Variants in ABI3BP observed in about 807,000 individuals in gnomAD.
ABI3BP encodes the protein ABI family member 3 binding protein.
ABI3BP carries 216 observed loss-of-function variants against 268.6 expected under a neutral mutation model. The observed-to-expected ratio is 0.80, with a 90% CI of 0.72 to 0.90. ABI3BP has a LOEUF of 0.90. Ranked by LOEUF, ABI3BP falls within the 40% of genes least tolerant of loss-of-function variation. The pLI, the probability that ABI3BP is intolerant of heterozygous loss-of-function variation, is 0.00. For missense variants in ABI3BP, 2,090 were observed against 2,182.4 expected, an observed-to-expected ratio of 0.96 and a Z score of 0.84; for synonymous variants, 730 against 730.0, an observed-to-expected ratio of 1.00 and a Z score of 0.00.
rs750022129 is a variant in ABI3BP, at chr3:100,850,118, A to T, written c.1428T>A (p.Ala476=). Residue 476 remains alanine, a splice_region_variant and synonymous_variant, in exon 17 of 68, where the codon GCT becomes GCA. Coordinates refer to ENST00000471714, the MANE Select transcript of ABI3BP (RefSeq NM_001375547.2). ...GAGGAACAAATGGTGTTTCACTTGG[A>T]GCTGAAAGCACAAACACCCCAACCC... ...RTLEQPRATL[A]PSETPFVPQK... 2.5e-6 allele frequency: 4 copies of T among 1,605,486 alleles called. No individual in the cohort carries two copies. The highest frequency in any genetic ancestry group is 3.4e-6 in the Non-Finnish European group (4 of 1,175,712).
At chr3:100,918,202 A>C (rs2059229836) in intron 2 of ABI3BP, among the ~76,000 whole-genome samples, 1 of 151,906 alleles carries the variant, frequency 6.6e-6, no homozygotes. Flanking sequence ...AAAGAGAAAA[A>C]TCTATCTTAA....
intron 62 of ABI3BP, among the ~76,000 whole-genome samples, chr3:100,766,578 A>G (rs2149734812): frequency 6.6e-6 from 1 of 151,864 alleles, no homozygotes. Flanking sequence ...ATTGAAAAAC[A>G]AATTAATGTC....
chr3:100,845,284 C>T (rs2152976522), intron 20 of ABI3BP, among the ~76,000 whole-genome samples: 1 of 152,282 alleles, frequency 6.6e-6, no homozygotes, highest in South Asian at 2.1e-4. Flanking sequence ...ATTAGCTACG[C>T]TTCTTCCCCT....
chr3:100,843,501 AAGAG>A (rs968014841), intron 20 of ABI3BP: 27 of 952,682 alleles, frequency 2.8e-5, no homozygotes, highest in African/African-American at 1.2e-4. Context: ...GAGGGAAAGA[AAGAG>A]AGGGAGGGAG....
At chr3:100,801,536 A>G (rs1299738868) in intron 51 of ABI3BP, among the ~76,000 whole-genome samples, 5 of 152,082 alleles carry the variant, frequency 3.3e-5, no homozygotes, top group Admixed American at 3.3e-4. Context: ...GCAAAGAGGA[A>G]GGCACTGAGT....
chr3:100,939,734 C>T lies in ABI3BP; in HGVS notation c.80-13253G>A, dbSNP rs140652963. On this transcript the variant is annotated intron_variant, in intron 1 of 67. Transcript: ENST00000471714. ...TGGGCACCACTGTCATTGATAACAT[C>T]TTATCAGGAGACAGGGTTTTGAGAG... Among the ~76,000 whole-genome samples, 51 of 152,172 alleles carry T rather than the reference C, an allele frequency of 3.4e-4. No individual in the cohort carries two copies. In the East Asian group the frequency reaches 8.3e-3, roughly 25 times the overall value.
intron 14 of ABI3BP, among the ~76,000 whole-genome samples, chr3:100,854,058 G>A (rs1460131485): frequency 6.6e-6 from 1 of 151,922 alleles, no homozygotes; most frequent in Non-Finnish European, 1.5e-5. Context: ...TGATTCAGAA[G>A]TAAAGAGATT....
In ABI3BP at chr3:100,837,115, C is replaced by T; in HGVS notation, c.2131+9G>A. ...AAACATTGGCCAAGAAGGAAGAAAG[C>T]ATCATTACCTATGGTCATTGAGGGA... is the stretch of plus-strand genomic sequence containing the variant. On this transcript the variant is annotated intron_variant, in intron 27 of 67. Coordinates refer to ENST00000471714, the MANE Select transcript of ABI3BP (RefSeq NM_001375547.2). 2.0e-6 allele frequency: 3 copies of T among 1,531,196 alleles called. No homozygotes were observed. Among genetic ancestry groups the T allele is most frequent in the Non-Finnish European group, 2.6e-6 (3 of 1,144,510 alleles). The allele number at this position is 1,531,196 out of a possible 1,614,324, so 94.9% of individuals were successfully genotyped here.
rs1554108373 is a variant in ABI3BP at position 100,911,864 on chromosome 3, G to A, written c.260-9178C>T. ...GAAGCAGCCTCTCTCTAAACGTCATGATCTGATCTGAATGACGACAGAATT... is the reference window on the plus strand; with the variant it reads ...GAAGCAGCCTCTCTCTAAACGTCATAATCTGATCTGAATGACGACAGAATT... On this transcript the variant is annotated intron_variant, in intron 2 of 67. Coordinates refer to ENST00000471714, the MANE Select transcript of ABI3BP (RefSeq NM_001375547.2). 9 of 1,599,310 alleles carry A rather than the reference G, an allele frequency of 5.6e-6. No homozygotes were observed. The South Asian group carries it at 7.7e-5, about 14-fold the overall frequency.
At chr3:100,835,778 A>T in intron 27 of ABI3BP, 118 bp from the exon 28 acceptor site, 1 of 850,254 alleles carries the variant, frequency 1.2e-6, no homozygotes, top group Non-Finnish European at 1.8e-6. Context: ...AACTCTGGGA[A>T]AATAGTATTT....
intron 3 of ABI3BP, among the ~76,000 whole-genome samples, chr3:100,901,928 C>T (rs1055872305): frequency 5.3e-5 from 8 of 152,052 alleles, no homozygotes; most frequent in East Asian, 1.9e-4. Context: ...TGAAATTAGA[C>T]GACATAGAAT....
At chr3:100,966,620 T>C (rs1260706811) in intron 1 of ABI3BP, among the ~76,000 whole-genome samples, 1 of 152,094 alleles carries the variant, frequency 6.6e-6, no homozygotes, top group Non-Finnish European at 1.5e-5. Flanking sequence ...GTTTGTAAAA[T>C]ATAGTTTCTT....
intron 63 of ABI3BP, among the ~76,000 whole-genome samples, chr3:100,760,597 G>A (rs1285266561): frequency 6.6e-6 from 1 of 152,146 alleles, no homozygotes; most frequent in African/African-American, 2.4e-5. Flanking sequence ...TCCATGCATG[G>A]CTTTGAATAT....
intron 40 of ABI3BP, 72 bp from the exon 41 acceptor site, chr3:100,818,653 A>C: frequency 8.4e-7 from 1 of 1,196,026 alleles, no homozygotes; most frequent in South Asian, 1.3e-5. Context: ...TACTGCTTCA[A>C]TCAGTATATA....
intron 1 of ABI3BP, among the ~76,000 whole-genome samples, chr3:100,942,490 T>C (rs35630894): frequency 0.1 from 15,713 of 152,164 alleles, 1,103 homozygotes; most frequent in Non-Finnish European, 0.15. Flanking sequence ...GTCATTATTG[T>C]TTTTTAATAC....
intron 20 of ABI3BP, chr3:100,844,192 A>G: frequency 3.0e-6 from 3 of 985,430 alleles, no homozygotes; most frequent in Non-Finnish European, 3.6e-6. Context: ...TTTGACTCAC[A>G]TGTGTGTAGG....
rs1346833026 is a variant in ABI3BP, at chr3:100,898,897, G to A, written c.329-3C>T. ...AGGTTTGCGAGAACGAGTTTTACCT[G>A]TGGAGGTGGCATAGAGGTTAATAAT... On this transcript the variant is annotated splice_region_variant and splice_polypyrimidine_tract_variant and intron_variant, in intron 3 of 67. Transcript: ENST00000471714. 1 of 1,608,194 alleles carries A rather than the reference G, an allele frequency of 6.2e-7. No individual in the cohort carries two copies.
chr3:100,841,382 T>C (rs2098700172), intron 21 of ABI3BP, among the ~76,000 whole-genome samples: 1 of 151,900 alleles, frequency 6.6e-6, no homozygotes, highest in Non-Finnish European at 1.5e-5. Context: ...AAAACATAAA[T>C]ATATCCTATG....
At chr3:100,771,575 T>C (rs965265967) in intron 61 of ABI3BP, among the ~76,000 whole-genome samples, 1 of 152,122 alleles carries the variant, frequency 6.6e-6, no homozygotes, top group African/African-American at 2.4e-5. Flanking sequence ...ACATGTATGA[T>C]ATTAAAAAAG....
Sources: gnomAD v4.1 joint callset for allele counts (sites outside exome capture counted in the v4.1 genomes callset) on GRCh38, gnomAD v4.1.1 for gene constraint, MANE v1.5 for transcripts, NCBI Gene and HGNC (gene_info 2026-07-23, HGNC 2026-07-21) for gene names.